SYT1: variants seen among roughly 807,000 people sequenced by gnomAD.
SYT1 encodes synaptotagmin-1.
Under a neutral mutation model 44.8 loss-of-function variants are expected in SYT1, and 8 were observed. That is an observed-to-expected ratio of 0.18 (90% CI 0.10 to 0.32). The LOEUF (loss-of-function observed/expected upper bound fraction) is 0.32. Among genes scored for constraint, SYT1 ranks in the 10% least tolerant of loss-of-function variants. SYT1 has a pLI of 1.00. For synonymous variants in SYT1, 154 were observed against 188.8 expected (o/e 0.82, Z 1.51); for missense variants, 286 against 509.3 (o/e 0.56, Z 4.22).
At chr12:79,005,440 C>T (rs540106841) in intron 2 of SYT1, among the ~76,000 whole-genome samples, 1 of 152,090 alleles carries the variant, frequency 6.6e-6, no homozygotes, top group South Asian at 2.1e-4. Flanking sequence ...TTAATTCACT[C>T]ATCTACAGTT....
At chr12:79,008,196 A>G (rs2137559278) in intron 2 of SYT1, among the ~76,000 whole-genome samples, 1 of 152,158 alleles carries the variant, frequency 6.6e-6, no homozygotes, top group East Asian at 1.9e-4. Flanking sequence ...AAGAATAACA[A>G]CCATCCTGGA....
chr12:78,931,022 C>T (rs1371263651), intron 1 of SYT1, among the ~76,000 whole-genome samples: 1 of 150,878 alleles, frequency 6.6e-6, no homozygotes, highest in African/African-American at 2.4e-5. Context: ...TCAAGTCAGG[C>T]GCTGTGGCTC....
intron 4 of SYT1, among the ~76,000 whole-genome samples, chr12:79,226,393 C>T (rs962477376): frequency 1.3e-5 from 2 of 152,108 alleles, no homozygotes; most frequent in South Asian, 4.1e-4. Context: ...TTTTGCTTCT[C>T]TTGGGTAATC....
chr12:79,428,830 G>GTTTA (rs1354941580), intron 9 of SYT1, among the ~76,000 whole-genome samples: 7 of 152,120 alleles, frequency 4.6e-5, no homozygotes, highest in African/African-American at 1.4e-4. Flanking sequence ...AAGAAAAGTG[G>GTTTA]TTTATTTGGC....
chr12:79,126,310 G>A (rs1868434163), intron 3 of SYT1, among the ~76,000 whole-genome samples: 1 of 152,174 alleles, frequency 6.6e-6, no homozygotes, highest in South Asian at 2.1e-4. Context: ...TGCCAGGCTG[G>A]AGTGCAGTAG....
chr12:79,097,935 A>G (rs1244396346), intron 3 of SYT1, among the ~76,000 whole-genome samples: 1 of 151,864 alleles, frequency 6.6e-6, no homozygotes, highest in Non-Finnish European at 1.5e-5. Flanking sequence ...CATGCATATT[A>G]CTCACACATA....
At chr12:79,402,364 T>G (rs11608808) in intron 9 of SYT1, among the ~76,000 whole-genome samples, 20,789 of 152,128 alleles carry the variant, frequency 0.14, 1,858 homozygotes, top group Middle Eastern at 0.34. Flanking sequence ...CTTCAAGCTT[T>G]GGGAGATAAA....
intron 3 of SYT1, among the ~76,000 whole-genome samples, chr12:79,139,334 A>G (rs1177031282): frequency 5.3e-5 from 8 of 152,212 alleles, no homozygotes; most frequent in East Asian, 1.9e-4. Flanking sequence ...TGAACTCACC[A>G]TGCTTGAAAG....
intron 4 of SYT1, among the ~76,000 whole-genome samples, chr12:79,250,262 G>C (rs1001317957): frequency 3.5e-4 from 53 of 152,098 alleles, no homozygotes; most frequent in African/African-American, 1.2e-3. Context: ...ACATGGCTTG[G>C]TGTGTCTGAC....
intron 3 of SYT1, among the ~76,000 whole-genome samples, chr12:79,075,965 CT>C (rs1292537406): frequency 6.6e-6 from 1 of 151,892 alleles, no homozygotes; most frequent in Non-Finnish European, 1.5e-5. Flanking sequence ...TAGCTGAGGC[CT>C]TTATAACAAA....
chr12:78,994,259 C>G (rs1479158112), intron 2 of SYT1, among the ~76,000 whole-genome samples: 2 of 152,080 alleles, frequency 1.3e-5, no homozygotes, highest in Non-Finnish European at 2.9e-5. Context: ...CTTAAGTGAG[C>G]CTTTATCATT....
intron 10 of SYT1, among the ~76,000 whole-genome samples, chr12:79,446,837 T>C (rs2136207797): frequency 6.6e-6 from 1 of 152,312 alleles, no homozygotes; most frequent in East Asian, 1.9e-4. Flanking sequence ...TTGCAATATT[T>C]ATTCAGTGAA....
intron 8 of SYT1, among the ~76,000 whole-genome samples, chr12:79,300,723 A>G (rs1880095849): frequency 6.7e-6 from 1 of 149,436 alleles, no homozygotes; most frequent in Non-Finnish European, 1.5e-5. Context: ...AAGTATGTAT[A>G]CTTATACTTT....
chr12:79,435,792 T>C (rs1043135367), intron 9 of SYT1, among the ~76,000 whole-genome samples: 1 of 152,202 alleles, frequency 6.6e-6, no homozygotes, highest in Non-Finnish European at 1.5e-5. Context: ...GGTTGTCTTG[T>C]ATATTGTATG....
At chr12:79,092,531 G>A (rs748424178) in intron 3 of SYT1, among the ~76,000 whole-genome samples, 1 of 151,444 alleles carries the variant, frequency 6.6e-6, no homozygotes, top group African/African-American at 2.4e-5. Flanking sequence ...TGTGGAAAAT[G>A]AAACATGAAA....
At chr12:79,349,227 A>C (rs1164789709) in intron 8 of SYT1, among the ~76,000 whole-genome samples, 1 of 152,048 alleles carries the variant, frequency 6.6e-6, no homozygotes, top group Non-Finnish European at 1.5e-5. Flanking sequence ...GGAAGGATCT[A>C]ACTTGAGAGA....
At chr12:79,395,622 A>G (rs1221833850) in intron 9 of SYT1, among the ~76,000 whole-genome samples, 1 of 152,158 alleles carries the variant, frequency 6.6e-6, no homozygotes, top group Non-Finnish European at 1.5e-5. Flanking sequence ...CCTGGAATCA[A>G]GCAAATCTCC....
chr12:79,238,255 G>T (rs992520745), intron 4 of SYT1, among the ~76,000 whole-genome samples: 1 of 152,112 alleles, frequency 6.6e-6, no homozygotes, highest in African/African-American at 2.4e-5. Flanking sequence ...GTTTTATGCT[G>T]CAAACTCTAA....
At chr12:79,176,289 C>CA (rs11389898) in intron 3 of SYT1, among the ~76,000 whole-genome samples, 105,466 of 139,118 alleles carry the variant, frequency 0.76, 40,172 homozygotes, top group African/African-American at 0.92. Context: ...AATTCTGTCT[C>CA]AAAAAAAAAA....
Sources: gnomAD v4.1 joint callset for allele counts (sites outside exome capture counted in the v4.1 genomes callset) on GRCh38, gnomAD v4.1.1 for gene constraint, MANE v1.5 for transcripts, NCBI Gene and HGNC (gene_info 2026-07-23, HGNC 2026-07-21) for gene names.